Variants in ADGRL3 observed in about 807,000 individuals in gnomAD.
The protein encoded by ADGRL3 is calcium-independent alpha-latrotoxin receptor 3.
Under a neutral mutation model 153.5 loss-of-function variants are expected in ADGRL3, and 62 were observed. The observed-to-expected ratio is 0.40, with a 90% CI of 0.33 to 0.50. ADGRL3 has a LOEUF of 0.50. ADGRL3 is among the 20% of genes least tolerant of loss of function. ADGRL3 has a pLI of 0.47. For missense variants in ADGRL3, 1,641 were observed against 1,859.4 expected (o/e 0.88, Z 2.16); for synonymous variants, 710 against 672.5 (o/e 1.06, Z -0.86).
chr4:61,736,876 G>C (rs1189850512), intron 8 of ADGRL3, among the ~76,000 whole-genome samples: 1 of 152,164 alleles, frequency 6.6e-6, no homozygotes. Context: ...TTTCATGCAT[G>C]AATGCTCAAA....
At chr4:61,764,119 A>G (rs538618511) in intron 8 of ADGRL3, among the ~76,000 whole-genome samples, 1 of 150,814 alleles carries the variant, frequency 6.6e-6, no homozygotes, top group Non-Finnish European at 1.5e-5. Context: ...CTCTAAGCCA[A>G]TTTGAATAAA....
chr4:61,244,922 T>C lies in ADGRL3; in HGVS notation c.-240+43157T>C, dbSNP rs193193215. ...ATGCTATATTGCTGGTATTGCTTTT[T>C]GTAATGGAAGAGTGTTTGTTTAGAG... On this transcript the variant is annotated intron_variant, in intron 1 of 26. Coordinates refer to ENST00000683033, the MANE Select transcript of ADGRL3 (RefSeq NM_001387552.1). Among the ~76,000 whole-genome samples the C allele has an allele frequency of 2.7e-3, 418 of 152,138 alleles. 2 individuals are homozygous for C. The highest frequency in any genetic ancestry group is 3.7e-3 in the Non-Finnish European group (250 of 67,950).
chr4:61,788,807 T>C (rs1167916332), intron 8 of ADGRL3, among the ~76,000 whole-genome samples: 1 of 152,184 alleles, frequency 6.6e-6, no homozygotes, highest in African/African-American at 2.4e-5. Flanking sequence ...CATCCATTGA[T>C]TCATGAGTTT....
chr4:61,876,362 G>A (rs1561401113), intron 9 of ADGRL3, among the ~76,000 whole-genome samples: 1 of 151,036 alleles, frequency 6.6e-6, no homozygotes, highest in Non-Finnish European at 1.5e-5. Flanking sequence ...GAAAATACAA[G>A]AACTGATACT....
At chr4:61,412,370 G>T (rs1281332497) in intron 2 of ADGRL3, among the ~76,000 whole-genome samples, 1 of 152,086 alleles carries the variant, frequency 6.6e-6, no homozygotes, top group Non-Finnish European at 1.5e-5. Flanking sequence ...TTATAGGTGT[G>T]GTCCCCCACA....
intron 5 of ADGRL3, among the ~76,000 whole-genome samples, chr4:61,649,060 T>C (rs1305976061): frequency 6.6e-6 from 1 of 152,020 alleles, no homozygotes; most frequent in African/African-American, 2.4e-5. Context: ...CATGTTTTAA[T>C]GCCACTTATA....
intron 5 of ADGRL3, among the ~76,000 whole-genome samples, chr4:61,605,249 C>G (rs977783519): frequency 1.3e-5 from 2 of 151,710 alleles, no homozygotes; most frequent in Admixed American, 6.6e-5. Context: ...TTTGAGGAAG[C>G]CTTTAAATTC....
intron 21 of ADGRL3, among the ~76,000 whole-genome samples, chr4:62,014,709 A>G (rs970607544): frequency 2.6e-5 from 4 of 152,134 alleles, no homozygotes; most frequent in African/African-American, 4.8e-5. Context: ...AAGCTGTTCA[A>G]TTTTACCACT....
At chr4:61,256,371 G>GCCTAAA (rs2091969229) in intron 1 of ADGRL3, among the ~76,000 whole-genome samples, 1 of 152,056 alleles carries the variant, frequency 6.6e-6, no homozygotes. Context: ...GCATTTGTTG[G>GCCTAAA]ATAATTAGGA....
At chr4:61,619,326 T>G (rs1380702699) in intron 5 of ADGRL3, among the ~76,000 whole-genome samples, 1 of 152,158 alleles carries the variant, frequency 6.6e-6, no homozygotes, top group African/African-American at 2.4e-5. Context: ...AAAAACTTCC[T>G]CCAATACCTT....
intron 8 of ADGRL3, among the ~76,000 whole-genome samples, chr4:61,766,056 C>A (rs927489049): frequency 1.3e-5 from 2 of 152,048 alleles, no homozygotes; most frequent in African/African-American, 4.8e-5. Flanking sequence ...ATAAATCAAG[C>A]GTGATCAGGG....
At chr4:61,394,466 C>G (rs2096847216) in intron 2 of ADGRL3, among the ~76,000 whole-genome samples, 1 of 151,942 alleles carries the variant, frequency 6.6e-6, no homozygotes. Flanking sequence ...TGACAAACTC[C>G]CCTTACTGAA....
chr4:61,890,733 C>T (rs185893789), intron 9 of ADGRL3, among the ~76,000 whole-genome samples: 118 of 152,246 alleles, frequency 7.8e-4, no homozygotes, highest in African/African-American at 2.5e-3. Flanking sequence ...CTTTGGGGGA[C>T]GCATTTAAAC....
At chr4:61,905,237 G>A (rs193106856) in intron 11 of ADGRL3, among the ~76,000 whole-genome samples, 265 of 152,096 alleles carry the variant, frequency 1.7e-3, no homozygotes, top group Non-Finnish European at 2.9e-3. Context: ...ACTTCTTGAT[G>A]GAATATTGAA....
At chr4:61,583,134 T>G (rs2098932836) in intron 4 of ADGRL3, among the ~76,000 whole-genome samples, 1 of 152,082 alleles carries the variant, frequency 6.6e-6, no homozygotes, top group African/African-American at 2.4e-5. Flanking sequence ...TGATATGTTT[T>G]GTCCCATAAT....
At chr4:61,561,970 G>A (rs758220388) in intron 4 of ADGRL3, among the ~76,000 whole-genome samples, 2 of 151,872 alleles carry the variant, frequency 1.3e-5, no homozygotes, top group Non-Finnish European at 2.9e-5. Context: ...GATCCCTTTA[G>A]GAATTCACAT....
At chr4:61,995,397 C>T (rs183393121) in intron 19 of ADGRL3, among the ~76,000 whole-genome samples, 6 of 152,114 alleles carry the variant, frequency 3.9e-5, no homozygotes, top group African/African-American at 1.4e-4. Flanking sequence ...CTTTTATAAT[C>T]ACAGAAATAT....
chr4:61,622,538 A>G (rs938274287), intron 5 of ADGRL3, among the ~76,000 whole-genome samples: 2 of 152,032 alleles, frequency 1.3e-5, no homozygotes, highest in Non-Finnish European at 2.9e-5. Flanking sequence ...AGTAAAAATC[A>G]TAATGATAAG....
intron 8 of ADGRL3, among the ~76,000 whole-genome samples, chr4:61,779,398 C>T (rs543634289): frequency 5.3e-4 from 80 of 151,876 alleles, no homozygotes; most frequent in Non-Finnish European, 9.1e-4. Context: ...TTTGGGAGGA[C>T]TAAGTGAGTG....
Sources: gnomAD v4.1 joint callset for allele counts (sites outside exome capture counted in the v4.1 genomes callset) on GRCh38, gnomAD v4.1.1 for gene constraint, MANE v1.5 for transcripts, NCBI Gene and HGNC (gene_info 2026-07-23, HGNC 2026-07-21) for gene names.